Variants in COMMD1 observed in about 807,000 individuals in gnomAD.
The protein encoded by COMMD1 is copper metabolism domain containing 1.
In COMMD1, 10 loss-of-function variants were observed where a neutral mutation model predicts 17.2. The observed-to-expected ratio is 0.58, with a 90% CI of 0.36 to 0.99. The LOEUF is 0.99. COMMD1 is among the 50% of genes least tolerant of loss of function. The pLI is 0.01. For synonymous variants in COMMD1, 97 were observed against 91.6 expected, an observed-to-expected ratio of 1.06 and a Z score of -0.34; for missense variants, 270 against 231.8, an observed-to-expected ratio of 1.17 and a Z score of -1.07.
At chr2:62,015,369 G>A (rs1490312599) in intron 2 of COMMD1, among the ~76,000 whole-genome samples, 1 of 151,950 alleles carries the variant, frequency 6.6e-6, no homozygotes, top group East Asian at 1.9e-4. Context: ...CCTTTTAAAG[G>A]CTGAATAATA....
Position 62,093,356 on chromosome 2 carries a change from A to G in COMMD1, c.463-42475A>G, listed in dbSNP as rs550511868. On this transcript the variant is annotated intron_variant, in intron 2 of 2. Coordinates refer to ENST00000311832, the MANE Select transcript of COMMD1 (RefSeq NM_152516.4). ...TCAAGCGTATACCTTTTGGGCTACC[A>G]TGGGGGATGGTTTCCAAAAGTATTG... Among the ~76,000 whole-genome samples the G allele has an allele frequency of 4.4e-4, 67 of 152,304 alleles. 2 individuals are homozygous for G. Among genetic ancestry groups the G allele is most frequent in the Admixed American group, 1.3e-4 (2 of 15,298 alleles).
upstream of COMMD1, chr2:61,888,657 G>A (rs1045939725): frequency 7.6e-6 from 7 of 915,050 alleles, no homozygotes; most frequent in Middle Eastern, 3.5e-4. Flanking sequence ...GGCGGAGAAG[G>A]GGGCCTTCCT....
At position 61,935,270 on chromosome 2, in the gene COMMD1, A is replaced by G. The variant is rs998053990; in HGVS notation, c.180+29412A>G. Among the ~76,000 whole-genome samples, 4 of 152,250 alleles carry G rather than the reference A, an allele frequency of 2.6e-5. No homozygotes were observed. In the South Asian group the frequency reaches 8.3e-4, roughly 31 times the overall value. ...TTTACAGAGTAGTGAAAAATAACTC[A>G]GAGACAAATAACAGAACTACAGTCT... On this transcript the variant is annotated intron_variant, in intron 1 of 2. Coordinates refer to ENST00000311832, the MANE Select transcript of COMMD1 (RefSeq NM_152516.4).
intron 1 of COMMD1, among the ~76,000 whole-genome samples, chr2:61,997,115 A>C (rs922123129): frequency 2.0e-5 from 3 of 150,524 alleles, no homozygotes; most frequent in Admixed American, 1.3e-4. Flanking sequence ...GCAGGAGTGC[A>C]ATGGTGCCAT....
chr2:62,005,644 G>C (rs1669090680), intron 2 of COMMD1, among the ~76,000 whole-genome samples: 1 of 152,106 alleles, frequency 6.6e-6, no homozygotes, highest in African/African-American at 2.4e-5. Flanking sequence ...ACCACAATGA[G>C]ATACCATCTC....
At chr2:62,101,561 G>A (rs762497425) in intron 2 of COMMD1, among the ~76,000 whole-genome samples, 51 of 152,182 alleles carry the variant, frequency 3.4e-4, no homozygotes, top group Non-Finnish European at 5.6e-4. Context: ...AGTGATCCCT[G>A]ATTGCACCAC....
At chr2:62,122,584 T>C (rs1031759584) in intron 2 of COMMD1, among the ~76,000 whole-genome samples, 3 of 152,226 alleles carry the variant, frequency 2.0e-5, no homozygotes, top group Non-Finnish European at 4.4e-5. Flanking sequence ...GTGATTACTC[T>C]TGGTTTAGCT....
At chr2:61,997,798 C>G (rs1321426959) in intron 1 of COMMD1, among the ~76,000 whole-genome samples, 1 of 152,164 alleles carries the variant, frequency 6.6e-6, no homozygotes, top group Non-Finnish European at 1.5e-5. Flanking sequence ...GTCAGCCTGT[C>G]CTTTGAAGCT....
rs576032784 is a variant in COMMD1 at position 61,892,680 on chromosome 2, G to A, written n.119+3838G>A. On this transcript the variant is annotated intron_variant and non_coding_transcript_variant, in intron 1 of 2. Transcript: ENST00000472729. ...TTTCACTCCAGCCTGGGCAACAAGAGGGAAACTCTGTCTCAAAAAAAAAAA... is the reference window on the plus strand; with the variant it reads ...TTTCACTCCAGCCTGGGCAACAAGAAGGAAACTCTGTCTCAAAAAAAAAAA... Among the ~76,000 whole-genome samples, 4 of 148,398 alleles carry A rather than the reference G, an allele frequency of 2.7e-5. No individual in the cohort carries two copies. In the South Asian group the frequency reaches 8.4e-4, roughly 31 times the overall value.
chr2:61,946,750 G>GT (rs1558531651), intron 1 of COMMD1, among the ~76,000 whole-genome samples: 9 of 151,954 alleles, frequency 5.9e-5, no homozygotes. Context: ...TAAAATACTA[G>GT]TTTTTTTCTC....
upstream of COMMD1, among the ~76,000 whole-genome samples, chr2:61,902,378 C>T (rs1010890381): frequency 1.1e-4 from 16 of 151,652 alleles, no homozygotes; most frequent in African/African-American, 2.9e-4. Flanking sequence ...TGGTGGCGCA[C>T]GCCTGTAGTC....
intron 2 of COMMD1, among the ~76,000 whole-genome samples, chr2:62,006,034 T>C (rs559934810): frequency 5.1e-4 from 77 of 151,962 alleles, no homozygotes; most frequent in African/African-American, 1.8e-3. Context: ...GATGAGTTCA[T>C]GTCCTTTGTA....
At chr2:61,966,404 A>T (rs11682992) in intron 1 of COMMD1, among the ~76,000 whole-genome samples, 15,343 of 151,440 alleles carry the variant, frequency 0.1, 1,721 homozygotes, top group African/African-American at 0.28. Context: ...TCTTTTTTTT[A>T]AAATATGTAA....
chr2:61,955,126 T>C (rs1671162257), intron 1 of COMMD1, among the ~76,000 whole-genome samples: 1 of 152,204 alleles, frequency 6.6e-6, no homozygotes, highest in South Asian at 2.1e-4. Context: ...TATTTCCACA[T>C]CTCTAATGAC....
At chr2:62,068,385 A>T (rs185919919) in intron 2 of COMMD1, among the ~76,000 whole-genome samples, 49 of 152,350 alleles carry the variant, frequency 3.2e-4, no homozygotes, top group Non-Finnish European at 2.6e-4. Context: ...AAAATAAGAA[A>T]GCAGAAAATG....
At chr2:61,917,603 C>T (rs1020025506) in intron 1 of COMMD1, among the ~76,000 whole-genome samples, 1 of 152,084 alleles carries the variant, frequency 6.6e-6, no homozygotes, top group Non-Finnish European at 1.5e-5. Context: ...TCTCGGCTCA[C>T]TGCAAGCTCT....
At chr2:61,891,812 C>T (rs1669438549) in intron 1 of COMMD1, among the ~76,000 whole-genome samples, 1 of 151,680 alleles carries the variant, frequency 6.6e-6, no homozygotes, top group East Asian at 1.9e-4. Flanking sequence ...GTTTTTAAAA[C>T]TTTCTGATAT....
chr2:61,992,695 C>G (rs1215861300), intron 1 of COMMD1, among the ~76,000 whole-genome samples: 2 of 152,182 alleles, frequency 1.3e-5, no homozygotes, highest in Non-Finnish European at 2.9e-5. Flanking sequence ...AGCACTCCCT[C>G]CAATCACTGT....
rs192436723 is a variant in COMMD1 at position 62,002,180 on chromosome 2, A to T, written c.462+1198A>T. Among the ~76,000 whole-genome samples, 1,419 of 148,918 alleles carry T rather than the reference A, an allele frequency of 9.5e-3. 10 individuals are homozygous for T. Among genetic ancestry groups the T allele is most frequent in the Non-Finnish European group, 0.015 (995 of 67,370 alleles). On this transcript the variant is annotated intron_variant, in intron 2 of 2. Coordinates refer to ENST00000311832, the MANE Select transcript of COMMD1 (RefSeq NM_152516.4). The stretch of plus-strand genomic sequence containing the variant: ...AGCGAAACTCTGTCTCAAGAAAAAA[A>T]TTTTTTTTAAATAATAAAAGATAAT...
Sources: allele counts gnomAD v4.1 joint callset (sites outside exome capture counted in the v4.1 genomes callset), GRCh38; gene constraint gnomAD v4.1.1; transcripts MANE v1.5; gene names NCBI Gene and HGNC (gene_info 2026-07-23, HGNC 2026-07-21).